Variants in CTNNA3 observed in about 807,000 individuals in gnomAD.
The protein encoded by CTNNA3 is catenin alpha 3.
Under a neutral mutation model 95.7 loss-of-function variants are expected in CTNNA3, and 76 were observed. The observed-to-expected ratio is 0.79, with a 90% CI of 0.66 to 0.96. The LOEUF (loss-of-function observed/expected upper bound fraction) is 0.96, where lower values mean the gene tolerates loss of function less well. Ranked by LOEUF, CTNNA3 falls within the 40% of genes least tolerant of loss-of-function variation. The probability of loss-of-function intolerance (pLI) is 0.00; values close to 1 mark genes in which losing one functional copy is unlikely to be tolerated. For synonymous variants in CTNNA3, 431 were observed against 374.4 expected, an observed-to-expected ratio of 1.15 and a Z score of -1.74; for missense variants, 1,191 against 1,089.8, an observed-to-expected ratio of 1.09 and a Z score of -1.31.
At chr10:66,505,115 A>C (rs1214698846) in intron 11 of CTNNA3, among the ~76,000 whole-genome samples, 1 of 152,150 alleles carries the variant, frequency 6.6e-6, no homozygotes, top group Non-Finnish European at 1.5e-5. Context: ...GGCTTTTCTA[A>C]AGATCTAAGT....
chr10:67,486,070 C>T (rs1250988585), intron 5 of CTNNA3, among the ~76,000 whole-genome samples: 2 of 152,136 alleles, frequency 1.3e-5, no homozygotes, highest in African/African-American at 2.4e-5. Context: ...TTATTGGTGA[C>T]ATAGATGTTA....
intron 10 of CTNNA3, among the ~76,000 whole-genome samples, chr10:66,577,460 T>C (rs201613624): frequency 6.6e-6 from 1 of 152,056 alleles, no homozygotes; most frequent in African/African-American, 2.4e-5. Flanking sequence ...ATTGTTTTAG[T>C]TCTACTTTTA....
intron 11 of CTNNA3, among the ~76,000 whole-genome samples, chr10:66,443,313 T>C (rs911642111): frequency 5.3e-5 from 8 of 152,122 alleles, no homozygotes; most frequent in Non-Finnish European, 1.2e-4. Flanking sequence ...AGAGTAATGG[T>C]TCTCCCAGCA....
chr10:66,065,560 T>A (rs543173391), intron 15 of CTNNA3, among the ~76,000 whole-genome samples: 1 of 152,296 alleles, frequency 6.6e-6, no homozygotes, highest in South Asian at 2.1e-4. Flanking sequence ...CAAACTAGTA[T>A]CTTTTTAATC....
chr10:67,746,889 G>A (rs1841377493), intron 1 of CTNNA3, among the ~76,000 whole-genome samples: 1 of 152,198 alleles, frequency 6.6e-6, no homozygotes, highest in Non-Finnish European at 1.5e-5. Context: ...GGAGCCAGCG[G>A]GAGAAGGGCA....
chr10:66,539,508 G>C (rs1472685449), intron 10 of CTNNA3, among the ~76,000 whole-genome samples: 1 of 152,074 alleles, frequency 6.6e-6, no homozygotes, highest in South Asian at 2.1e-4. Context: ...AGTTTTAAGA[G>C]CTAGACTTAC....
At chr10:66,918,316 C>T (rs957986602) in intron 7 of CTNNA3, among the ~76,000 whole-genome samples, 3 of 152,162 alleles carry the variant, frequency 2.0e-5, no homozygotes, top group African/African-American at 7.2e-5. Context: ...CTCAAACTTG[C>T]CATTTAGCGC....
chr10:66,125,737 G>C (rs1270013331), intron 13 of CTNNA3, among the ~76,000 whole-genome samples: 1 of 152,130 alleles, frequency 6.6e-6, no homozygotes, highest in African/African-American at 2.4e-5. Flanking sequence ...CTGGGTGAAA[G>C]AATCCCACCT....
intron 9 of CTNNA3, among the ~76,000 whole-genome samples, chr10:66,656,560 C>A (rs1480262243): frequency 6.6e-6 from 1 of 152,076 alleles, no homozygotes; most frequent in African/African-American, 2.4e-5. Context: ...ATGTAAAGTT[C>A]AACACCCATT....
At chr10:66,322,166 C>CT (rs1256523875) in intron 12 of CTNNA3, among the ~76,000 whole-genome samples, 2 of 152,064 alleles carry the variant, frequency 1.3e-5, no homozygotes, top group Non-Finnish European at 2.9e-5. Context: ...GAATCACACA[C>CT]TTATATCTGT....
rs1336345674 is a variant in CTNNA3 at position 66,927,561 on chromosome 10, T to C, written c.1048-152037A>G. On this transcript the variant is annotated intron_variant, in intron 7 of 17. Transcript: ENST00000433211. This position sits in a 1 kb window ranked among gnomAD's most constrained non-coding sequence, Gnocchi z 4.7. ...TCAAAGAACTTCACCTGGAGCACAA[T>C]CAATTTTCCAAGCTCAACCTGGCCC... The C allele has an allele frequency of 3.7e-6, 6 of 1,614,152 alleles. No individual in the cohort carries two copies. Among genetic ancestry groups the C allele is most frequent in the Non-Finnish European group, 5.1e-6 (6 of 1,180,040 alleles).
At chr10:66,165,086 TA>T (rs927214326) in intron 13 of CTNNA3, among the ~76,000 whole-genome samples, 12 of 152,250 alleles carry the variant, frequency 7.9e-5, no homozygotes, top group African/African-American at 2.4e-4. Context: ...TATGAATCCA[TA>T]AAAAAGAATA....
chr10:67,463,842 A>G (rs928127893), intron 5 of CTNNA3, among the ~76,000 whole-genome samples: 1 of 152,160 alleles, frequency 6.6e-6, no homozygotes. Flanking sequence ...TTCTAATACA[A>G]TTTTGTTTAC....
At chr10:65,988,568 A>G in intron 16 of CTNNA3, 124 bp downstream of exon 16, 1 of 655,642 alleles carries the variant, frequency 1.5e-6, no homozygotes, top group Admixed American at 2.8e-5. Flanking sequence ...GCTATTAGAA[A>G]TTCAATTATA....
At chr10:66,751,028 G>T (rs968982719) in intron 9 of CTNNA3, among the ~76,000 whole-genome samples, 1 of 152,062 alleles carries the variant, frequency 6.6e-6, no homozygotes, top group Non-Finnish European at 1.5e-5. Context: ...CCAGCACTTT[G>T]GGAGGCCAAG....
chr10:66,126,008 T>A (rs978968190), intron 13 of CTNNA3, among the ~76,000 whole-genome samples: 2 of 152,078 alleles, frequency 1.3e-5, no homozygotes, highest in African/African-American at 4.8e-5. Context: ...AAAAAATCAT[T>A]TAGGAGGGCT....
At chr10:66,651,263 C>T (rs1302743674) in intron 9 of CTNNA3, among the ~76,000 whole-genome samples, 2 of 152,124 alleles carry the variant, frequency 1.3e-5, no homozygotes, top group African/African-American at 2.4e-5. Flanking sequence ...ACCAGATTAG[C>T]TAGATATGGA....
intron 11 of CTNNA3, among the ~76,000 whole-genome samples, chr10:66,471,573 T>C (rs1839133920): frequency 6.6e-6 from 1 of 151,852 alleles, no homozygotes; most frequent in Non-Finnish European, 1.5e-5. Flanking sequence ...GTGAATTAAA[T>C]ACAGCTTTTT....
intron 9 of CTNNA3, among the ~76,000 whole-genome samples, chr10:66,669,014 A>G (rs1846562542): frequency 6.6e-6 from 1 of 152,120 alleles, no homozygotes; most frequent in Non-Finnish European, 1.5e-5. Context: ...TATTATCCAT[A>G]TACTGAATAT....
Sources: gnomAD v4.1 joint callset for allele counts (sites outside exome capture counted in the v4.1 genomes callset) on GRCh38, gnomAD v4.1.1 for gene constraint, Gnocchi (gnomAD v3.1) non-coding constraint, MANE v1.5 for transcripts, NCBI Gene and HGNC (gene_info 2026-07-23, HGNC 2026-07-21) for gene names.